The following MCCC2 variants were observed in gnomAD, a reference collection of about 807,000 sequenced individuals.
The protein encoded by MCCC2 is methylcrotonyl-CoA carboxylase subunit 2.
MCCC2 carries 52 observed loss-of-function variants against 77.2 expected under a neutral mutation model. The ratio of observed to expected loss-of-function variants is 0.67; its 90% CI spans 0.54 to 0.85. The LOEUF (loss-of-function observed/expected upper bound fraction) is 0.85. MCCC2 is among the 40% of genes least tolerant of loss of function. The pLI, the probability that MCCC2 is intolerant of heterozygous loss-of-function variation, is 0.00. For synonymous variants in MCCC2, 253 were observed against 248.4 expected, an observed-to-expected ratio of 1.02 and a Z score of -0.18; for missense variants, 682 against 703.2, an observed-to-expected ratio of 0.97 and a Z score of 0.34.
In MCCC2 at chr5:71,604,345, C is replaced by G. The variant is rs1745579094; in HGVS notation, c.512-11C>G. 3 of 1,610,222 alleles carry G rather than the reference C, an allele frequency of 1.9e-6. No homozygotes were observed. The South Asian group carries it at 3.3e-5, about 18-fold the overall frequency. On this transcript the variant is annotated splice_polypyrimidine_tract_variant and intron_variant, in intron 5 of 16. Coordinates refer to ENST00000340941, the MANE Select transcript of MCCC2 (RefSeq NM_022132.5). ...ATAGAGATGCTTATGTTTCTCATTTCTTGTCTTCAGTTGATTCGGGAGGAG... is the reference window on the plus strand; with the variant it reads ...ATAGAGATGCTTATGTTTCTCATTTGTTGTCTTCAGTTGATTCGGGAGGAG...
At chr5:71,601,461 AAAG>A (rs1243092757) in intron 4 of MCCC2, among the ~76,000 whole-genome samples, 3 of 152,220 alleles carry the variant, frequency 2.0e-5, no homozygotes, top group Non-Finnish European at 4.4e-5. Context: ...TAAATCATTA[AAAG>A]TTTGCATTCT....
At chr5:71,628,503 T>C (rs1480880206) in intron 7 of MCCC2, among the ~76,000 whole-genome samples, 1 of 152,182 alleles carries the variant, frequency 6.6e-6, no homozygotes, top group African/African-American at 2.4e-5. Flanking sequence ...TCTGAGAGTC[T>C]TATAATTTTA....
At chr5:71,590,740 C>A (rs1744941213) in intron 1 of MCCC2, among the ~76,000 whole-genome samples, 1 of 151,968 alleles carries the variant, frequency 6.6e-6, no homozygotes, top group South Asian at 2.1e-4. Flanking sequence ...TCGCTTGAAC[C>A]CGGGAGGCGG....
chr5:71,626,644 C>T lies in MCCC2; in HGVS notation c.629C>T (p.Ala210Val), dbSNP rs1157099485. The change falls in exon 7 of 17, where the codon GCA (alanine) becomes GTA (valine). Residue 210 changes from alanine (A) to valine (V), a missense_variant. Physicochemically the swap from Ala to Val is moderately conservative, Grantham distance 64. Coordinates refer to ENST00000340941, the MANE Select transcript of MCCC2 (RefSeq NM_022132.5). ...IMSSKNIAQI[A>V]VVMGSCTAGG... is the part of the protein sequence containing the mutation. ...TGTCGTGTGCTTGGATTCCAGATCG[C>T]AGTGGTCATGGGCTCCTGCACCGCA... 8.7e-6 allele frequency: 14 copies of T among 1,613,402 alleles called. No individual in the cohort carries two copies. Among genetic ancestry groups the T allele is most frequent in the Non-Finnish European group, 1.2e-5 (14 of 1,179,512 alleles).
intron 15 of MCCC2, among the ~76,000 whole-genome samples, chr5:71,651,517 G>A (rs189715341): frequency 1.3e-5 from 2 of 152,310 alleles, no homozygotes; most frequent in Non-Finnish European, 2.9e-5. Context: ...TAGGTACACT[G>A]TTGTCTCATT....
At chr5:71,613,599 C>G (rs1420872322) in intron 6 of MCCC2, among the ~76,000 whole-genome samples, 1 of 152,118 alleles carries the variant, frequency 6.6e-6, no homozygotes, top group East Asian at 1.9e-4. Context: ...TGAGACCAGC[C>G]TGGGCACACA....
Position 71,652,873 on chromosome 5 carries a change from T to C in MCCC2, c.1574+119T>C, listed in dbSNP as rs955289286. The C allele has an allele frequency of 1.1e-5, 9 of 856,210 alleles. No individual in the cohort carries two copies. The Admixed American group carries it at 1.2e-4, about 11-fold the overall frequency. 53.0% of individuals were successfully genotyped at this position (856,210 alleles called of 1,614,324 possible). On this transcript the variant is annotated intron_variant, in intron 16 of 16. Transcript: ENST00000340941. ...ATTCATAGGAACTGGAAAATAACAT[T>C]TGGACACACTTAATTTTGTACTGTT...
At chr5:71,605,591 C>T (rs1745638617) in intron 6 of MCCC2, among the ~76,000 whole-genome samples, 1 of 150,346 alleles carries the variant, frequency 6.7e-6, no homozygotes, top group African/African-American at 2.4e-5. Context: ...AATTAGATCC[C>T]ATTTGTCAAT....
At chr5:71,650,968 A>G (rs1408976825) in intron 15 of MCCC2, among the ~76,000 whole-genome samples, 2 of 152,008 alleles carry the variant, frequency 1.3e-5, no homozygotes, top group Non-Finnish European at 2.9e-5. Flanking sequence ...TATTTTTAGT[A>G]GAGACAGGGT....
chr5:71,626,847 T>C, intron 7 of MCCC2, 94 bp downstream of exon 7: 14 of 1,135,392 alleles, frequency 1.2e-5, no homozygotes, highest in Non-Finnish European at 1.7e-5. Context: ...AAAAATATTG[T>C]GATAAAATAT....
At chr5:71,596,620 C>G (rs1745199481) in intron 3 of MCCC2, among the ~76,000 whole-genome samples, 1 of 152,086 alleles carries the variant, frequency 6.6e-6, no homozygotes, top group African/African-American at 2.4e-5. Flanking sequence ...TACATCATAG[C>G]AAAGGGAGAC....
At position 71,596,311 on chromosome 5, in the gene MCCC2, A is replaced by G. The variant is rs750017638; in HGVS notation, c.228A>G (p.Ile76Met). ...GGGEKARALH[I>M]SRGKLLPRER... The stretch of plus-strand genomic sequence containing the variant: ...GTGAGAAAGCCCGAGCACTTCACAT[A>G]TCAAGAGGAAAACTATTGCCCAGAG... The change falls in exon 3 of 17, where the codon ATA becomes ATG. Residue 76 changes from isoleucine to methionine, a missense_variant. By Grantham distance (10) the Ile-to-Met change is conservative (BLOSUM62 1). Coordinates refer to ENST00000340941, the MANE Select transcript of MCCC2 (RefSeq NM_022132.5). 3 of 1,614,168 alleles carry G rather than the reference A, an allele frequency of 1.9e-6. No individual in the cohort carries two copies. The East Asian group carries it at 6.7e-5, about 36-fold the overall frequency.
chr5:71,621,788 T>C (rs1052133302), intron 6 of MCCC2, among the ~76,000 whole-genome samples: 1 of 147,956 alleles, frequency 6.8e-6, no homozygotes, highest in Admixed American at 6.7e-5. Context: ...GGTTAATGGA[T>C]ACAAAAAAAA....
At position 71,635,148 on chromosome 5, in the gene MCCC2, C is replaced by G; in HGVS notation, c.904-3C>G. 6.2e-7 allele frequency: 1 copy of G among 1,614,036 alleles called. No individual in the cohort carries two copies. Among genetic ancestry groups the G allele is most frequent in the Non-Finnish European group, 8.5e-7 (1 of 1,179,880 alleles). Reference sequence around the variant, plus strand: ...CAGGTTAACATGATCTATATTTCTGCAGGTCACCATTGAACCTTCTGAAGA... The same window carrying G: ...CAGGTTAACATGATCTATATTTCTGGAGGTCACCATTGAACCTTCTGAAGA... On this transcript the variant is annotated splice_polypyrimidine_tract_variant and splice_region_variant and intron_variant, in intron 9 of 16. Coordinates refer to ENST00000340941, the MANE Select transcript of MCCC2 (RefSeq NM_022132.5).
chr5:71,611,085 T>C (rs1271609730), intron 6 of MCCC2, among the ~76,000 whole-genome samples: 4 of 151,708 alleles, frequency 2.6e-5, no homozygotes, highest in African/African-American at 9.7e-5. Flanking sequence ...AACTCTGATA[T>C]ATGTATGAAG....
At chr5:71,653,964 A>T (rs1187935780) in intron 16 of MCCC2, among the ~76,000 whole-genome samples, 2 of 151,942 alleles carry the variant, frequency 1.3e-5, no homozygotes, top group East Asian at 3.9e-4. Flanking sequence ...GTTTGAGGAG[A>T]TAAATAATAC....
At chr5:71,649,910 G>T (rs1747385798) in intron 14 of MCCC2, among the ~76,000 whole-genome samples, 159 bp from the exon 15 acceptor site, 1 of 152,140 alleles carries the variant, frequency 6.6e-6, no homozygotes, top group South Asian at 2.1e-4. Context: ...GTCTAGTCTG[G>T]GGTGTGTTCC....
At position 71,606,823 on chromosome 5, in the gene MCCC2, A is replaced by G. The variant is rs1212035474; in HGVS notation, c.624+2355A>G. On this transcript the variant is annotated intron_variant, in intron 6 of 16. Transcript: ENST00000340941. The stretch of plus-strand genomic sequence containing the variant: ...TTTGTCAAAGGCTTTTTCTGCATCT[A>G]TTGAGATAATCATGTGGTTTTTGTC... 3.6e-5 allele frequency among the ~76,000 whole-genome samples: 5 copies of G among 137,956 alleles called. No homozygotes were observed. In the East Asian group the frequency reaches 6.2e-4, roughly 17 times the overall value. 90.5% of individuals were successfully genotyped at this position (137,956 alleles called of 152,430 possible).
At chr5:71,590,303 T>G (rs1025416174) in intron 1 of MCCC2, among the ~76,000 whole-genome samples, 1 of 152,196 alleles carries the variant, frequency 6.6e-6, no homozygotes, top group African/African-American at 2.4e-5. Context: ...GGAGGTGAAC[T>G]GTAGCCAGTA....
Sources: gnomAD v4.1 joint callset for allele counts (sites outside exome capture counted in the v4.1 genomes callset) on GRCh38, gnomAD v4.1.1 for gene constraint, MANE v1.5 for transcripts, NCBI Gene and HGNC (gene_info 2026-07-23, HGNC 2026-07-21) for gene names.